TMTC2: variants seen among roughly 807,000 people sequenced by gnomAD.
TMTC2 encodes the protein transmembrane O-mannosyltransferase targeting cadherins 2.
TMTC2 carries 43 observed loss-of-function variants against 82.4 expected under a neutral mutation model. The observed-to-expected ratio is 0.52, with a 90% CI of 0.41 to 0.67. TMTC2 has a LOEUF of 0.67. Among genes scored for constraint, TMTC2 ranks in the 30% least tolerant of loss-of-function variants. The pLI is 0.00. For synonymous variants in TMTC2, 408 were observed against 381.9 expected (o/e 1.07, Z -0.80); for missense variants, 919 against 1,012.4 (o/e 0.91, Z 1.25).
chr12:83,049,367 A>G (rs1312169940), intron 9 of TMTC2, among the ~76,000 whole-genome samples: 1 of 152,074 alleles, frequency 6.6e-6, no homozygotes, highest in Non-Finnish European at 1.5e-5. Context: ...TTGTGTCCAC[A>G]TGTACTCAAT....
At chr12:82,935,813 A>G (rs1310012939) in intron 4 of TMTC2, among the ~76,000 whole-genome samples, 8 of 152,136 alleles carry the variant, frequency 5.3e-5, no homozygotes, top group Admixed American at 2.6e-4. Flanking sequence ...ACTATAAGTT[A>G]ATTGTCATTT....
chr12:82,910,384 C>T (rs926762602), intron 3 of TMTC2, among the ~76,000 whole-genome samples: 1 of 143,436 alleles, frequency 7.0e-6, no homozygotes, highest in East Asian at 1.9e-4. Context: ...AGGCAGGCTC[C>T]AACCCCAGGC....
intron 9 of TMTC2, among the ~76,000 whole-genome samples, chr12:83,036,478 C>A (rs199649580): frequency 0.016 from 1,664 of 102,932 alleles, 27 homozygotes; most frequent in African/African-American, 0.072. Context: ...GTCCCCGAGT[C>A]TTTTTTTTTT....
At chr12:82,918,160 T>G (rs550820771) in intron 3 of TMTC2, among the ~76,000 whole-genome samples, 1 of 152,300 alleles carries the variant, frequency 6.6e-6, no homozygotes, top group African/African-American at 2.4e-5. Flanking sequence ...TCCGCCCAGC[T>G]TGGCCTCCCA....
At chr12:82,817,374 G>A (rs76849570) in intron 1 of TMTC2, among the ~76,000 whole-genome samples, 6,660 of 152,054 alleles carry the variant, frequency 0.044, 492 homozygotes, top group African/African-American at 0.15. Context: ...AAGCCATTTT[G>A]TGTTTATTTT....
At chr12:83,078,039 G>C (rs1266762745) in intron 11 of TMTC2, among the ~76,000 whole-genome samples, 3 of 152,048 alleles carry the variant, frequency 2.0e-5, no homozygotes. Context: ...TCAAGGGTAG[G>C]AGAATTCTTG....
chr12:82,964,952 A>G lies in TMTC2; in HGVS notation c.1599-72A>G. On this transcript the variant is annotated intron_variant, in intron 4 of 11. Coordinates refer to ENST00000321196, the MANE Select transcript of TMTC2 (RefSeq NM_152588.3). The stretch of plus-strand genomic sequence containing the variant: ...TGTTAACCATTTTTATTTTTGGAAT[A>G]TAAAATAAAAATTTGTGGTTTTATA... 5.1e-6 allele frequency: 5 copies of G among 978,928 alleles called. No individual in the cohort carries two copies. The South Asian group carries it at 5.4e-5, about 11-fold the overall frequency. The allele number at this position is 978,928 out of a possible 1,614,324, so 60.6% of individuals were successfully genotyped here. A position where few individuals can be genotyped will look rare whatever the true frequency, so the allele number is the denominator to read the frequency against.
At chr12:82,813,151 C>T (rs1868492029) in intron 1 of TMTC2, among the ~76,000 whole-genome samples, 2 of 151,920 alleles carry the variant, frequency 1.3e-5, no homozygotes, top group African/African-American at 4.8e-5. Context: ...ATACTTATGC[C>T]AATATGTATA....
chr12:82,779,993 G>A (rs369442318), intron 1 of TMTC2, among the ~76,000 whole-genome samples: 40 of 151,840 alleles, frequency 2.6e-4, no homozygotes, highest in African/African-American at 8.5e-4. Flanking sequence ...AAGAGTAGGG[G>A]CTGTCCCTTA....
intron 1 of TMTC2, among the ~76,000 whole-genome samples, chr12:82,734,184 T>C (rs944581581): frequency 7.2e-5 from 11 of 152,224 alleles, no homozygotes; most frequent in African/African-American, 2.7e-4. Flanking sequence ...CGTAGGTTGA[T>C]ATATTAGTTT....
At position 82,732,545 on chromosome 12, in the gene TMTC2, G is replaced by A. The variant is rs988687924; in HGVS notation, c.83+44876G>A. 5.3e-5 allele frequency among the ~76,000 whole-genome samples: 8 copies of A among 152,122 alleles called. No homozygotes were observed. The South Asian group carries it at 6.2e-4, about 12-fold the overall frequency. On this transcript the variant is annotated intron_variant, in intron 1 of 11. Transcript: ENST00000321196. ...TTTTTAGTAGAAATGGGGTTTCACC[G>A]TGTTAGCCAGGATGGTCTCGATCTC...
intron 1 of TMTC2, among the ~76,000 whole-genome samples, chr12:82,688,936 C>T (rs1031490558): frequency 6.6e-6 from 1 of 152,168 alleles, no homozygotes; most frequent in Non-Finnish European, 1.5e-5. Context: ...AAAAAATCAC[C>T]TGATAATAGG....
intron 1 of TMTC2, among the ~76,000 whole-genome samples, chr12:82,779,863 C>A (rs1273871529): frequency 1.3e-5 from 2 of 152,098 alleles, no homozygotes; most frequent in Non-Finnish European, 2.9e-5. Flanking sequence ...CATGCCACTG[C>A]ACTCCAGCCT....
chr12:82,909,104 A>C lies in TMTC2; in HGVS notation c.1483+12458A>C, dbSNP rs565574911. On this transcript the variant is annotated intron_variant, in intron 3 of 11. Transcript: ENST00000321196. The stretch of plus-strand genomic sequence containing the variant: ...TTCTGTTTGTCCAAATAGGCCAAAC[A>C]GTCACCCATCTTTTCATTCTCTAAG... Among the ~76,000 whole-genome samples the C allele has an allele frequency of 2.0e-5, 3 of 152,340 alleles. No homozygotes were observed. The South Asian group carries it at 6.2e-4, about 32-fold the overall frequency.
chr12:82,973,901 A>T (rs1209399239), intron 7 of TMTC2, among the ~76,000 whole-genome samples: 2 of 152,204 alleles, frequency 1.3e-5, no homozygotes, highest in Non-Finnish European at 2.9e-5. Flanking sequence ...ACAAGAGCCC[A>T]CCTGTTACAT....
At chr12:82,871,689 G>GTGTA (rs1555192964) in intron 2 of TMTC2, among the ~76,000 whole-genome samples, 1 of 115,908 alleles carries the variant, frequency 8.6e-6, no homozygotes, top group Non-Finnish European at 1.7e-5. Flanking sequence ...ATCTGTGTGT[G>GTGTA]TGTGTGTGTG....
chr12:83,014,386 G>C (rs910583268), intron 8 of TMTC2, among the ~76,000 whole-genome samples: 1 of 152,094 alleles, frequency 6.6e-6, no homozygotes. Context: ...TTGTTGCCAG[G>C]CTGGAGTGCA....
At chr12:83,098,752 C>T (rs1205904701) in intron 11 of TMTC2, among the ~76,000 whole-genome samples, 1 of 152,164 alleles carries the variant, frequency 6.6e-6, no homozygotes, top group Non-Finnish European at 1.5e-5. Context: ...CTCATTACAT[C>T]CTGACGTCCC....
At chr12:82,721,659 C>T (rs376874942) in intron 1 of TMTC2, among the ~76,000 whole-genome samples, 36 of 152,062 alleles carry the variant, frequency 2.4e-4, no homozygotes, top group African/African-American at 8.0e-4. Flanking sequence ...GACAAAAATT[C>T]CAAGTTCATT....
Sources: allele counts gnomAD v4.1 joint callset (sites outside exome capture counted in the v4.1 genomes callset), GRCh38; gene constraint gnomAD v4.1.1; transcripts MANE v1.5; gene names NCBI Gene and HGNC (gene_info 2026-07-23, HGNC 2026-07-21).